Variants in FNBP4 observed in about 807,000 individuals in gnomAD.
The protein encoded by FNBP4 is formin binding protein 4.
In FNBP4, 34 loss-of-function variants were observed where a neutral mutation model predicts 119.3. The observed-to-expected ratio is 0.28, with a 90% CI of 0.22 to 0.38. FNBP4 has a LOEUF of 0.38. FNBP4 is among the 10% of genes least tolerant of loss of function. The pLI is 1.00. For synonymous variants in FNBP4, 462 were observed against 430.6 expected, an observed-to-expected ratio of 1.07 and a Z score of -0.90; for missense variants, 1,112 against 1,228.9, an observed-to-expected ratio of 0.90 and a Z score of 1.42.
In FNBP4 at chr11:47,767,276, A is replaced by T; in HGVS notation, c.13T>A (p.Ser5Thr). Reference protein sequence around the residue: MGKKSRAVPGRRPIL... With the variant: MGKKTRAVPGRRPIL... The stretch of plus-strand genomic sequence containing the variant: ...GGCCTACGGCCGGGTACCGCCCGGG[A>T]CTTCTTCCCCATCGCGAGCCCAAGC... The change falls in exon 1 of 17, where the codon TCC becomes ACC. Residue 5 changes from serine (S) to threonine (T), a missense_variant. Ser to Thr is a moderately conservative substitution (Grantham distance 58, BLOSUM62 1). This residue lies in a region of FNBP4 where 286 missense variants were observed against 240.1 expected (regional missense o/e 1.19). Transcript: ENST00000263773. 2 of 1,532,188 alleles carry T rather than the reference A, an allele frequency of 1.3e-6. No homozygotes were observed. The highest frequency in any genetic ancestry group is 1.7e-6 in the Non-Finnish European group (2 of 1,147,694). The allele number at this position is 1,532,188 out of a possible 1,614,324, so 94.9% of individuals were successfully genotyped here.
Position 47,731,683 on chromosome 11 carries a change from A to G in FNBP4, c.1821-122T>C. ...GGGACGAACCTCTTAATGGACTGCTATTCACAAAGGCAACAAAGAGCTTTG... is the reference window on the plus strand; with the variant it reads ...GGGACGAACCTCTTAATGGACTGCTGTTCACAAAGGCAACAAAGAGCTTTG... On this transcript the variant is annotated intron_variant, in intron 11 of 16. Coordinates refer to ENST00000263773, the MANE Select transcript of FNBP4 (RefSeq NM_015308.5). 4 of 1,444,420 alleles carry G rather than the reference A, an allele frequency of 2.8e-6. No individual in the cohort carries two copies. The South Asian group carries it at 6.2e-5, about 22-fold the overall frequency. The allele number at this position is 1,444,420 out of a possible 1,614,324, so 89.5% of individuals were successfully genotyped here. A position where few individuals can be genotyped will look rare whatever the true frequency, so the allele number is the denominator to read the frequency against.
chr11:47,767,185 G>T lies in FNBP4; in HGVS notation c.104C>A (p.Pro35His), dbSNP rs776903426. 6.9e-5 allele frequency: 107 copies of T among 1,560,580 alleles called. No individual in the cohort carries two copies. The highest frequency in any genetic ancestry group is 8.4e-5 in the Non-Finnish European group (97 of 1,158,856). ...STPGRDPEPE[P>H]DTEPDSTAAV... ...CGCGGTTGAGTCCGGCTCAGTGTCG[G>T]GTTCCGGCTCCGGGTCCCGGCCCGG... is the stretch of plus-strand genomic sequence containing the variant. The change falls in exon 1 of 17, where the codon CCC (proline) becomes CAC (histidine). Residue 35 changes from proline to histidine, a missense_variant. Physicochemically the swap from Pro to His is moderately conservative, Grantham distance 77. Around this residue, in one of 2 missense-constraint regions of FNBP4, gnomAD observed 286 missense variants for 240.1 expected, o/e 1.19. Coordinates refer to ENST00000263773, the MANE Select transcript of FNBP4 (RefSeq NM_015308.5).
At position 47,746,041 on chromosome 11, in the gene FNBP4, C is replaced by G; in HGVS notation, c.1245+15G>C. On this transcript the variant is annotated intron_variant, in intron 7 of 16. Transcript: ENST00000263773. ...TGAGGAAAAAACATTCTACAAGTAA[C>G]TTTCAAAAGCTTACTTTTTTCCTTT... The G allele has an allele frequency of 6.3e-7, 1 of 1,576,912 alleles. No individual in the cohort carries two copies. Among genetic ancestry groups the G allele is most frequent in the Non-Finnish European group, 8.6e-7 (1 of 1,165,150 alleles).
At position 47,724,141 on chromosome 11, in the gene FNBP4, G is replaced by A. The variant is rs1419176158; in HGVS notation, c.2351C>T (p.Ser784Phe). ...TTTCCTCTTTATTCCTTTAGTGGAA[G>A]AAGAACTAGAGATGGTGGAATCAAC... is the stretch of plus-strand genomic sequence containing the variant. Reference protein sequence around the residue: ...SSVDSTISSSSSTKGIKRKAT... With the variant: ...SSVDSTISSSFSTKGIKRKAT... Residue 784 changes from serine to phenylalanine, a missense_variant, in exon 14 of 17, where the codon TCT becomes TTT. Ser to Phe is a radical substitution (Grantham distance 155). This residue lies in a region of FNBP4 where 826 missense variants were observed against 988.8 expected (regional missense o/e 0.84). Transcript: ENST00000263773. The A allele has an allele frequency of 6.2e-7, 1 of 1,614,182 alleles. No individual in the cohort carries two copies. The highest frequency in any genetic ancestry group is 8.5e-7 in the Non-Finnish European group (1 of 1,180,010).
intron 15 of FNBP4, among the ~76,000 whole-genome samples, chr11:47,720,942 C>A (rs997416744): frequency 2.6e-5 from 4 of 151,850 alleles, no homozygotes; most frequent in African/African-American, 4.8e-5. Flanking sequence ...GCCAAGATTG[C>A]ACCATTGCAC....
At chr11:47,735,807 C>T (rs1356840395) in intron 9 of FNBP4, among the ~76,000 whole-genome samples, 2 of 152,014 alleles carry the variant, frequency 1.3e-5, no homozygotes, top group East Asian at 1.9e-4. Context: ...GGGCCCGGTG[C>T]GGTGGCTCAT....
In FNBP4 at chr11:47,716,844, C is replaced by G. The variant is rs2097550477; in HGVS notation, c.*578G>C. On this transcript the variant is annotated 3_prime_UTR_variant, in exon 17 of 17. Coordinates refer to ENST00000263773, the MANE Select transcript of FNBP4 (RefSeq NM_015308.5). ...TTCTCAAAATCAAGGATATGAACAC[C>G]TGCTGCTGCCTGTATGCCACCTAGT... 1 of 152,508 alleles carries G rather than the reference C, an allele frequency of 6.6e-6. No individual in the cohort carries two copies. The highest frequency in any genetic ancestry group is 1.5e-5 in the Non-Finnish European group (1 of 68,094). 9.4% of individuals were successfully genotyped at this position (152,508 alleles called of 1,614,324 possible).
chr11:47,718,187 C>G (rs1042687234), intron 16 of FNBP4, among the ~76,000 whole-genome samples: 9 of 152,028 alleles, frequency 5.9e-5, no homozygotes, highest in Admixed American at 5.9e-4. Context: ...AATCCTCAGT[C>G]TACCAACAGG....
chr11:47,727,327 G>A (rs925107609), intron 12 of FNBP4, among the ~76,000 whole-genome samples: 2 of 146,124 alleles, frequency 1.4e-5, no homozygotes, highest in African/African-American at 5.0e-5. Flanking sequence ...TTGGCTCACC[G>A]CAACCTCTGC....
chr11:47,757,497 C>A (rs1270716777), intron 2 of FNBP4, among the ~76,000 whole-genome samples: 1 of 151,646 alleles, frequency 6.6e-6, no homozygotes, highest in Non-Finnish European at 1.5e-5. Flanking sequence ...TAGGCGTGAG[C>A]CACCGCACCC....
rs770702642 is a variant in FNBP4, at chr11:47,754,480, C to T, written c.450+48G>A. ...TACGCTGACCACTTAAGATCCAGGT[C>T]CCAAAGTAGCTTCAGTAACTAAAAC... On this transcript the variant is annotated intron_variant, in intron 3 of 16. Coordinates refer to ENST00000263773, the MANE Select transcript of FNBP4 (RefSeq NM_015308.5). 3.1e-6 allele frequency: 5 copies of T among 1,596,354 alleles called. No individual in the cohort carries two copies. The Admixed American group carries it at 6.9e-5, about 22-fold the overall frequency.
intron 2 of FNBP4, among the ~76,000 whole-genome samples, chr11:47,755,877 C>T (rs2097616632): frequency 6.6e-6 from 1 of 152,198 alleles, no homozygotes; most frequent in South Asian, 2.1e-4. Flanking sequence ...CAATCTCACT[C>T]TCTTTCCAAA....
Position 47,731,355 on chromosome 11 carries a change from A to G in FNBP4, c.2008+19T>C, listed in dbSNP as rs886630452. 6.3e-7 allele frequency: 1 copy of G among 1,587,798 alleles called. No individual in the cohort carries two copies. Among genetic ancestry groups the G allele is most frequent in the Non-Finnish European group, 8.5e-7 (1 of 1,170,416 alleles). Reference sequence around the variant, plus strand: ...CTAAAGTCATTTTGGCTGAATTAGTACAAGGTAAATTGTCTCACCTGTGGA... The same window carrying G: ...CTAAAGTCATTTTGGCTGAATTAGTGCAAGGTAAATTGTCTCACCTGTGGA... On this transcript the variant is annotated intron_variant, in intron 12 of 16. Transcript: ENST00000263773.
intron 2 of FNBP4, among the ~76,000 whole-genome samples, chr11:47,761,524 G>A (rs12361031): frequency 0.28 from 41,833 of 151,828 alleles, 6,813 homozygotes; most frequent in Middle Eastern, 0.38. Flanking sequence ...CTCAGGCGAC[G>A]GAGGTTGCAG....
chr11:47,729,632 C>T, intron 12 of FNBP4: 19 of 953,822 alleles, frequency 2.0e-5, no homozygotes, highest in Non-Finnish European at 2.4e-5. Flanking sequence ...ACCTCAACCT[C>T]CCAAACAGCT....
At chr11:47,722,931 T>TA in intron 15 of FNBP4, 45 bp downstream of exon 15, 1 of 1,454,042 alleles carries the variant, frequency 6.9e-7, no homozygotes, top group Non-Finnish European at 9.0e-7. Context: ...ATAACCTCAA[T>TA]AAAATTTTTA....
chr11:47,749,538 C>T (rs1349588312), intron 6 of FNBP4, among the ~76,000 whole-genome samples: 1 of 151,842 alleles, frequency 6.6e-6, no homozygotes, highest in Non-Finnish European at 1.5e-5. Flanking sequence ...CCTGGGTAAC[C>T]AAGCAAGACT....
At position 47,724,671 on chromosome 11, in the gene FNBP4, G is replaced by A. The variant is rs1298890819; in HGVS notation, c.2116C>T (p.Pro706Ser). The change falls in exon 13 of 17, where the codon CCA becomes TCA. Residue 706 changes from proline (P) to serine (S), a missense_variant. Pro to Ser is a moderately conservative substitution (Grantham distance 74). Transcript: ENST00000263773. ...GGTGGTGGCATTTCCAAGGGTAATG[G>A]AGGTTGAAGCACAGGAACATTTGAC... The part of the protein sequence containing the change: ...LQSNVPVLQP[P>S]LPLEMPPPPP... 1.9e-6 allele frequency: 3 copies of A among 1,613,982 alleles called. No individual in the cohort carries two copies. In the African/African-American group the frequency reaches 4.0e-5, roughly 22 times the overall value.
chr11:47,763,702 G>C (rs1041799624), intron 2 of FNBP4, among the ~76,000 whole-genome samples: 1 of 151,978 alleles, frequency 6.6e-6, no homozygotes, highest in Non-Finnish European at 1.5e-5. Flanking sequence ...GGGTTTCACC[G>C]TGTTAGCCAG....
Sources: allele counts gnomAD v4.1 joint callset (sites outside exome capture counted in the v4.1 genomes callset), GRCh38; gene constraint gnomAD v4.1.1; regional missense constraint gnomAD v4.1.1; transcripts MANE v1.5; gene names NCBI Gene and HGNC (gene_info 2026-07-23, HGNC 2026-07-21).